The following ITPR2 variants were observed in gnomAD, a reference collection of about 807,000 sequenced individuals.
ITPR2 encodes inositol 1,4,5-trisphosphate-gated calcium channel ITPR2.
Under a neutral mutation model 317.1 loss-of-function variants are expected in ITPR2, and 207 were observed. The ratio of observed to expected loss-of-function variants is 0.65; its 90% confidence interval spans 0.58 to 0.73. The LOEUF (loss-of-function observed/expected upper bound fraction) is 0.73. ITPR2 is among the 30% of genes least tolerant of loss of function. ITPR2 has a pLI of 0.00. For synonymous variants in ITPR2, 1,156 were observed against 1,149.1 expected (o/e 1.01, Z -0.12); for missense variants, 2,613 against 3,284.0 (o/e 0.80, Z 4.99).
chr12:26,391,056 G>A (rs563214855), intron 54 of ITPR2, among the ~76,000 whole-genome samples: 33 of 152,274 alleles, frequency 2.2e-4, no homozygotes, highest in African/African-American at 7.7e-4. Flanking sequence ...GTTTCCAAGA[G>A]GTGCAAAGCT....
At position 26,575,420 on chromosome 12, in the gene ITPR2, G is replaced by A. The variant is rs147532585; in HGVS notation, c.4630+3293C>T. On this transcript the variant is annotated intron_variant, in intron 34 of 56. Coordinates refer to ENST00000381340, the MANE Select transcript of ITPR2 (RefSeq NM_002223.4). ...TAATGAGGCCACGATGCGGGGAAGG[G>A]GAGGGGAAGAACAAATGCAGAAGGA... is the stretch of plus-strand genomic sequence containing the variant. Among the ~76,000 whole-genome samples, 256 of 152,042 alleles carry A rather than the reference G, an allele frequency of 1.7e-3. 1 individual carries two copies. Among genetic ancestry groups the A allele is most frequent in the African/African-American group, 5.6e-3 (234 of 41,450 alleles).
At position 26,407,679 on chromosome 12, in the gene ITPR2, G is replaced by A. The variant is rs185290057; in HGVS notation, c.7399+3641C>T. Among the ~76,000 whole-genome samples the A allele has an allele frequency of 5.3e-5, 8 of 152,278 alleles. No individual in the cohort carries two copies. The East Asian group carries it at 1.5e-3, about 29-fold the overall frequency. On this transcript the variant is annotated intron_variant, in intron 52 of 56. Transcript: ENST00000381340. ...TAATTTATAGTGATCTTTTAATTAGGAGGCAATAAGACAGAAGGTTGGAAT... is the reference window on the plus strand; with the variant it reads ...TAATTTATAGTGATCTTTTAATTAGAAGGCAATAAGACAGAAGGTTGGAAT...
chr12:26,564,199 C>A (rs372673891), intron 34 of ITPR2, among the ~76,000 whole-genome samples: 1 of 151,984 alleles, frequency 6.6e-6, no homozygotes, highest in Admixed American at 6.5e-5. Context: ...CATAAAAGAT[C>A]AAAAAGCAGA....
At chr12:26,490,405 C>G (rs1003529457) in intron 39 of ITPR2, among the ~76,000 whole-genome samples, 1 of 152,182 alleles carries the variant, frequency 6.6e-6, no homozygotes, top group Non-Finnish European at 1.5e-5. Flanking sequence ...TTGACTGAAC[C>G]CCAAGATTGG....
intron 21 of ITPR2, among the ~76,000 whole-genome samples, chr12:26,644,133 C>G (rs1947056625): frequency 1.3e-5 from 2 of 152,078 alleles, no homozygotes; most frequent in Non-Finnish European, 2.9e-5. Flanking sequence ...ATCACAGGCC[C>G]AGAATATAAG....
intron 2 of ITPR2, among the ~76,000 whole-genome samples, chr12:26,767,667 TAC>T (rs1375393737): frequency 6.6e-6 from 1 of 152,260 alleles, no homozygotes; most frequent in African/African-American, 2.4e-5. Flanking sequence ...ACGTATTATA[TAC>T]ACAGTTTCAC....
intron 55 of ITPR2, among the ~76,000 whole-genome samples, chr12:26,346,741 G>A (rs1938323910): frequency 6.6e-6 from 1 of 152,044 alleles, no homozygotes; most frequent in Non-Finnish European, 1.5e-5. Context: ...TATGAGTCAG[G>A]ACACCCCGGT....
chr12:26,574,924 G>A (rs968409702), intron 34 of ITPR2, among the ~76,000 whole-genome samples: 5 of 151,698 alleles, frequency 3.3e-5, no homozygotes, highest in Non-Finnish European at 7.4e-5. Context: ...CTGTCCCCAC[G>A]ATCCAGCCAC....
intron 21 of ITPR2, among the ~76,000 whole-genome samples, chr12:26,640,087 A>G (rs1336142849): frequency 6.6e-6 from 1 of 152,190 alleles, no homozygotes; most frequent in East Asian, 1.9e-4. Flanking sequence ...AGATTGTGAG[A>G]ACTGGGGAGC....
In ITPR2 at chr12:26,438,459, G is replaced by A. The variant is rs534944832; in HGVS notation, c.6643+668C>T. On this transcript the variant is annotated intron_variant, in intron 47 of 56. Coordinates refer to ENST00000381340, the MANE Select transcript of ITPR2 (RefSeq NM_002223.4). ...TCAAGAGTTTCCCCCATTGACTTTCGTGAAAAACTCATGAGATCCCTTATT... is the reference window on the plus strand; with the variant it reads ...TCAAGAGTTTCCCCCATTGACTTTCATGAAAAACTCATGAGATCCCTTATT... 9.2e-5 allele frequency among the ~76,000 whole-genome samples: 14 copies of A among 152,172 alleles called. No individual in the cohort carries two copies. In the East Asian group the frequency reaches 1.7e-3, roughly 19 times the overall value.
chr12:26,621,840 C>A (rs1946503542), intron 25 of ITPR2, among the ~76,000 whole-genome samples: 3 of 152,136 alleles, frequency 2.0e-5, no homozygotes, highest in Admixed American at 6.5e-5. Flanking sequence ...AAGATTAGAT[C>A]CATAACAGTT....
Position 26,809,198 on chromosome 12 carries a change from C to CA in ITPR2, c.93-18972dup, listed in dbSNP as rs560556756. Among the ~76,000 whole-genome samples, 324 of 152,214 alleles carry CA rather than the reference C, an allele frequency of 2.1e-3. 2 individuals carry two copies. Among genetic ancestry groups the CA allele is most frequent in the African/African-American group, 7.6e-3 (316 of 41,538 alleles). ...ACCAGGGATGCTGCTTTTCCTTATTCAAAAAATGCCTTCCAGAGATGTCTA... is the reference window on the plus strand; with the variant it reads ...ACCAGGGATGCTGCTTTTCCTTATTCAAAAAAATGCCTTCCAGAGATGTCTA... On this transcript the variant is annotated intron_variant, in intron 1 of 56. Transcript: ENST00000381340.
At chr12:26,597,733 T>C (rs553495517) in intron 30 of ITPR2, among the ~76,000 whole-genome samples, 38 of 152,328 alleles carry the variant, frequency 2.5e-4, no homozygotes, top group African/African-American at 8.9e-4. Flanking sequence ...ACATAAATTT[T>C]CCTTCACATT....
Position 26,387,419 on chromosome 12 carries a change from C to T in ITPR2, c.7857+15G>A. 4 of 1,611,850 alleles carry T rather than the reference C, an allele frequency of 2.5e-6. No homozygotes were observed. Among genetic ancestry groups the T allele is most frequent in the Non-Finnish European group, 3.4e-6 (4 of 1,178,714 alleles). On this transcript the variant is annotated intron_variant, in intron 55 of 56. Transcript: ENST00000381340. ...ATACAATATAGTCACAAATTAAAACCTTCTGGTCACTCACCACAATCATTT... is the reference window on the plus strand; with the variant it reads ...ATACAATATAGTCACAAATTAAAACTTTCTGGTCACTCACCACAATCATTT...
intron 52 of ITPR2, 104 bp from the exon 53 acceptor site, chr12:26,400,362 C>T: frequency 6.2e-6 from 3 of 487,090 alleles, no homozygotes; most frequent in Non-Finnish European, 9.5e-6. Context: ...CATACATATA[C>T]ATAAGTATGT....
At chr12:26,669,328 T>C (rs1184821991) in intron 13 of ITPR2, among the ~76,000 whole-genome samples, 1 of 151,570 alleles carries the variant, frequency 6.6e-6, no homozygotes, top group Non-Finnish European at 1.5e-5. Flanking sequence ...CCAACATATA[T>C]CTCATAAAAG....
At chr12:26,419,354 G>T in intron 49 of ITPR2, 141 bp from the exon 50 acceptor site, 1 of 684,790 alleles carries the variant, frequency 1.5e-6, no homozygotes, top group Non-Finnish European at 2.3e-6. Context: ...TGACATGGAT[G>T]AAAACTATTA....
At chr12:26,539,416 T>C (rs1161160770) in intron 37 of ITPR2, among the ~76,000 whole-genome samples, 1 of 146,418 alleles carries the variant, frequency 6.8e-6, no homozygotes, top group Non-Finnish European at 1.5e-5. Flanking sequence ...TTATAGTAAG[T>C]TTTTTTTTTT....
At chr12:26,692,846 G>GA (rs1228290527) in intron 10 of ITPR2, among the ~76,000 whole-genome samples, 1 of 152,090 alleles carries the variant, frequency 6.6e-6, no homozygotes, top group Non-Finnish European at 1.5e-5. Flanking sequence ...AACTAGGAAA[G>GA]AAAAAATTAG....
Sources: allele counts gnomAD v4.1 joint callset (sites outside exome capture counted in the v4.1 genomes callset), GRCh38; gene constraint gnomAD v4.1.1; transcripts MANE v1.5; gene names NCBI Gene and HGNC (gene_info 2026-07-23, HGNC 2026-07-21).